Variants in CTNNA3 observed in about 807,000 individuals in gnomAD.
CTNNA3 encodes catenin alpha-3.
In CTNNA3, 76 loss-of-function variants were observed where a neutral mutation model predicts 95.7. The ratio of observed to expected loss-of-function variants is 0.79; its 90% CI spans 0.66 to 0.96. The LOEUF (loss-of-function observed/expected upper bound fraction) is 0.96. Ranked by LOEUF, CTNNA3 falls within the 40% of genes least tolerant of loss-of-function variation. The pLI, the probability that CTNNA3 is intolerant of heterozygous loss-of-function variation, is 0.00. For missense variants in CTNNA3, 1,191 were observed against 1,089.8 expected, an observed-to-expected ratio of 1.09 and a Z score of -1.31; for synonymous variants, 431 against 374.4, an observed-to-expected ratio of 1.15 and a Z score of -1.74.
At chr10:66,373,527 G>A (rs558711202) in intron 12 of CTNNA3, among the ~76,000 whole-genome samples, 4 of 151,396 alleles carry the variant, frequency 2.6e-5, no homozygotes, top group Non-Finnish European at 5.9e-5. Flanking sequence ...TTATCAACAC[G>A]AAGACACACA....
intron 15 of CTNNA3, among the ~76,000 whole-genome samples, chr10:66,036,211 A>G (rs2079560324): frequency 6.6e-6 from 1 of 152,216 alleles, no homozygotes; most frequent in Non-Finnish European, 1.5e-5. Context: ...AATAATATTA[A>G]TCATGCAGTT....
At chr10:67,344,519 T>C (rs1231148645) in intron 5 of CTNNA3, among the ~76,000 whole-genome samples, 2 of 152,134 alleles carry the variant, frequency 1.3e-5, no homozygotes, top group East Asian at 3.8e-4. Context: ...AGCTTCAATC[T>C]TGTCACTTGG....
intron 14 of CTNNA3, among the ~76,000 whole-genome samples, chr10:66,085,975 A>G (rs542227494): frequency 4.6e-5 from 7 of 152,282 alleles, no homozygotes; most frequent in East Asian, 1.9e-4. Flanking sequence ...ATCCTACATC[A>G]GTAGCACTAA....
At chr10:66,961,221 T>G (rs752760041) in intron 7 of CTNNA3, among the ~76,000 whole-genome samples, 1 of 152,212 alleles carries the variant, frequency 6.6e-6, no homozygotes, top group Non-Finnish European at 1.5e-5. Context: ...TGGTGATTTC[T>G]ATTGTTTTGT....
intron 3 of CTNNA3, among the ~76,000 whole-genome samples, chr10:67,560,316 G>A (rs1294907433): frequency 6.6e-6 from 1 of 150,950 alleles, no homozygotes; most frequent in African/African-American, 2.4e-5. Context: ...AACCAGAAGA[G>A]AGTGGGGGCC....
intron 17 of CTNNA3, among the ~76,000 whole-genome samples, chr10:65,941,187 G>C (rs1178096525): frequency 6.6e-6 from 1 of 152,072 alleles, no homozygotes; most frequent in African/African-American, 2.4e-5. Context: ...CTGTACTGTA[G>C]GTCTTACTAT....
At chr10:66,259,962 C>T (rs1004204056) in intron 13 of CTNNA3, among the ~76,000 whole-genome samples, 3 of 152,016 alleles carry the variant, frequency 2.0e-5, no homozygotes, top group African/African-American at 7.2e-5. Context: ...TTGCTTTTTT[C>T]CTTGGCTATT....
intron 5 of CTNNA3, among the ~76,000 whole-genome samples, chr10:67,340,932 G>A (rs1380196773): frequency 6.6e-6 from 1 of 152,176 alleles, no homozygotes; most frequent in African/African-American, 2.4e-5. Context: ...AAGGGATGGA[G>A]GAAGTAGAAG....
chr10:66,255,763 T>C (rs2090744964), intron 13 of CTNNA3, among the ~76,000 whole-genome samples: 1 of 152,210 alleles, frequency 6.6e-6, no homozygotes, highest in Non-Finnish European at 1.5e-5. Context: ...AATGAAGATT[T>C]GGGAAAAATT....
At position 66,421,897 on chromosome 10, in the gene CTNNA3, G is replaced by GATATATATATATATATATAT. The variant is rs35513829; in HGVS notation, c.1532-42546_1532-42545insATATATATATATATATATAT. 2.5e-3 allele frequency among the ~76,000 whole-genome samples: 268 copies of GATATATATATATATATATAT among 108,078 alleles called. 3 individuals are homozygous for GATATATATATATATATATAT. Among genetic ancestry groups the GATATATATATATATATATAT allele is most frequent in the African/African-American group, 8.9e-3 (255 of 28,628 alleles). 70.9% of individuals were successfully genotyped at this position (108,078 alleles called of 152,430 possible). On this transcript the variant is annotated intron_variant, in intron 11 of 17. Transcript: ENST00000433211. ...TTTCTAAGAGCTTCATAATAAATGT[G>GATATATATATATATATATAT]ATATATATATATATATATACACACA... is the stretch of plus-strand genomic sequence containing the variant.
At position 66,807,231 on chromosome 10, in the gene CTNNA3, G is replaced by T. The variant is rs114947279; in HGVS notation, c.1048-31707C>A. Among the ~76,000 whole-genome samples, 325 of 152,140 alleles carry T rather than the reference G, an allele frequency of 2.1e-3. 3 individuals are homozygous for T. Among genetic ancestry groups the T allele is most frequent in the African/African-American group, 7.5e-3 (312 of 41,530 alleles). On this transcript the variant is annotated intron_variant, in intron 7 of 17. Transcript: ENST00000433211. ...ACCTGGAGCTCCTGCTTCAAAAAAAGTTCAGCCTCAGAAATACCAAAACTG... is the reference window on the plus strand; with the variant it reads ...ACCTGGAGCTCCTGCTTCAAAAAAATTTCAGCCTCAGAAATACCAAAACTG...
chr10:66,253,298 G>C, intron 13 of CTNNA3, among the ~76,000 whole-genome samples: 1 of 151,594 alleles, frequency 6.6e-6, no homozygotes, highest in Non-Finnish European at 1.5e-5. Context: ...TAATGGCCAA[G>C]CAGATGCAGA....
intron 16 of CTNNA3, among the ~76,000 whole-genome samples, chr10:65,969,739 T>C (rs2078054899): frequency 6.6e-6 from 1 of 152,084 alleles, no homozygotes; most frequent in South Asian, 2.1e-4. Flanking sequence ...GTAATTTTTA[T>C]AAAATAAACA....
intron 7 of CTNNA3, among the ~76,000 whole-genome samples, chr10:67,153,842 T>C (rs2132072480): frequency 6.6e-6 from 1 of 152,216 alleles, no homozygotes; most frequent in African/African-American, 2.4e-5. Context: ...CTTTTTTTCA[T>C]AGGTACACTA....
intron 5 of CTNNA3, among the ~76,000 whole-genome samples, chr10:67,441,762 T>C (rs1846528137): frequency 6.6e-6 from 1 of 152,072 alleles, no homozygotes; most frequent in South Asian, 2.1e-4. Flanking sequence ...AAAGAAAAGC[T>C]GAGGAATTTC....
rs1842741973 is a variant in CTNNA3, at chr10:66,832,160, TGG to T, written c.1048-56638_1048-56637del. ...TCAAAGACATAATATTTCTATAAGT[TGG>T]GAAGAAACTACACTCATTTTGGCAG... is the stretch of plus-strand genomic sequence containing the variant. On this transcript the variant is annotated intron_variant, in intron 7 of 17. Transcript: ENST00000433211. Among the ~76,000 whole-genome samples, 7 of 152,280 alleles carry T rather than the reference TGG, an allele frequency of 4.6e-5. No homozygotes were observed. The South Asian group carries it at 1.5e-3, about 32-fold the overall frequency.
intron 12 of CTNNA3, among the ~76,000 whole-genome samples, chr10:66,295,323 T>C (rs557844291): frequency 7.2e-5 from 11 of 152,164 alleles, no homozygotes; most frequent in Admixed American, 1.3e-4. Flanking sequence ...GGTTAAGAAA[T>C]GCATAATCGT....
intron 13 of CTNNA3, among the ~76,000 whole-genome samples, chr10:66,274,701 TA>T (rs1415397203): frequency 6.6e-6 from 1 of 152,156 alleles, no homozygotes; most frequent in African/African-American, 2.4e-5. Context: ...CATGCAACTT[TA>T]AATGCAGTTT....
chr10:67,289,005 C>G (rs1198815741), intron 5 of CTNNA3, among the ~76,000 whole-genome samples: 1 of 152,108 alleles, frequency 6.6e-6, no homozygotes, highest in Non-Finnish European at 1.5e-5. Context: ...AATTTTTTAT[C>G]AAGCACTCTT....
Sources: allele counts gnomAD v4.1 joint callset (sites outside exome capture counted in the v4.1 genomes callset), GRCh38; gene constraint gnomAD v4.1.1; transcripts MANE v1.5; gene names NCBI Gene and HGNC (gene_info 2026-07-23, HGNC 2026-07-21).